Variants in SEMA3E observed in about 807,000 individuals in gnomAD.
SEMA3E encodes semaphorin-3E.
A neutral mutation model predicts 93.6 loss-of-function variants in SEMA3E; 49 were observed. The ratio of observed to expected loss-of-function variants is 0.52; its 90% CI spans 0.42 to 0.66. The LOEUF is 0.66. Among genes scored for constraint, SEMA3E ranks in the 30% least tolerant of loss-of-function variants. The pLI is 0.00. For synonymous variants in SEMA3E, 363 were observed against 330.7 expected (o/e 1.10, Z -1.06); for missense variants, 906 against 964.8 (o/e 0.94, Z 0.81).
intron 1 of SEMA3E, among the ~76,000 whole-genome samples, chr7:83,544,313 T>C (rs1791600607): frequency 7.9e-5 from 12 of 152,120 alleles, no homozygotes; most frequent in Admixed American, 7.9e-4. Flanking sequence ...TTATATATTA[T>C]ATCAAATAAT....
At chr7:83,444,806 G>T (rs1447035127) in intron 4 of SEMA3E, among the ~76,000 whole-genome samples, 1 of 151,954 alleles carries the variant, frequency 6.6e-6, no homozygotes, top group Non-Finnish European at 1.5e-5. Context: ...GAGCAGCCGG[G>T]ACTACAGGCA....
chr7:83,604,530 G>GTGTA (rs1554343265), intron 1 of SEMA3E, among the ~76,000 whole-genome samples: 11 of 146,712 alleles, frequency 7.5e-5, no homozygotes, highest in Non-Finnish European at 6.0e-5. Flanking sequence ...ACATATATAT[G>GTGTA]TATATATATA....
chr7:83,410,000 A>C (rs941068803), intron 5 of SEMA3E, among the ~76,000 whole-genome samples: 3 of 151,744 alleles, frequency 2.0e-5, no homozygotes, highest in Admixed American at 1.3e-4. Flanking sequence ...TACCAAATTT[A>C]GAATAATATG....
At chr7:83,416,953 TA>T (rs1295452573) in intron 5 of SEMA3E, among the ~76,000 whole-genome samples, 2 of 151,140 alleles carry the variant, frequency 1.3e-5, no homozygotes, top group Non-Finnish European at 3.0e-5. Context: ...TTCTCATATT[TA>T]AAGTCTTCCT....
intron 4 of SEMA3E, among the ~76,000 whole-genome samples, chr7:83,452,419 G>A (rs753656280): frequency 5.3e-5 from 8 of 152,032 alleles, no homozygotes; most frequent in East Asian, 1.9e-4. Context: ...TGCCTCTCCC[G>A]CTCCCTCATT....
intron 4 of SEMA3E, among the ~76,000 whole-genome samples, chr7:83,439,428 A>G (rs1789066479): frequency 6.6e-6 from 1 of 152,220 alleles, no homozygotes; most frequent in South Asian, 2.1e-4. Context: ...TGGAAAACTA[A>G]GGTTAATGGG....
At position 83,528,091 on chromosome 7, in the gene SEMA3E, ACTATAATGCC is replaced by A. The variant is rs554864508; in HGVS notation, c.116-37827_116-37818del. Among the ~76,000 whole-genome samples the A allele has an allele frequency of 1.6e-3, 243 of 152,152 alleles. No homozygotes were observed. In the East Asian group the frequency reaches 0.042, roughly 26 times the overall value. On this transcript the variant is annotated intron_variant, in intron 1 of 16. Coordinates refer to ENST00000643230, the MANE Select transcript of SEMA3E (RefSeq NM_012431.3). ...ACATATAATTTTTGTCAGAATTCTT[ACTATAATGCC>A]CTTTTTGGTAGGAAAAAGTAACTGT...
chr7:83,640,395 T>G (rs1275548443), intron 1 of SEMA3E, among the ~76,000 whole-genome samples: 1 of 152,192 alleles, frequency 6.6e-6, no homozygotes, highest in African/African-American at 2.4e-5. Flanking sequence ...ACAGAATACT[T>G]GGCTGGCAGG....
intron 1 of SEMA3E, among the ~76,000 whole-genome samples, chr7:83,580,953 A>C (rs960120777): frequency 1.3e-5 from 2 of 151,948 alleles, no homozygotes; most frequent in African/African-American, 2.4e-5. Flanking sequence ...ATTGCAGTTC[A>C]TTATATTCCC....
rs765597157 is a variant in SEMA3E at position 83,367,339 on chromosome 7, AGTT to A, written c.*244_*246del. ...GCCAAGTACTGAAAATAACAGCTACAGTTGTTTTTTGATAAACATAATGAGAAA... is the reference window on the plus strand; with the variant it reads ...GCCAAGTACTGAAAATAACAGCTACAGTTTTTTGATAAACATAATGAGAAA... On this transcript the variant is annotated 3_prime_UTR_variant, in exon 17 of 17. Transcript: ENST00000643230. 25 of 442,076 alleles carry A rather than the reference AGTT, an allele frequency of 5.7e-5. 1 individual carries two copies. The highest frequency in any genetic ancestry group is 6.4e-4 in the Middle Eastern group (1 of 1,570). 27.4% of individuals were successfully genotyped at this position (442,076 alleles called of 1,614,324 possible).
chr7:83,454,035 G>A (rs1789422291), intron 4 of SEMA3E, among the ~76,000 whole-genome samples: 2 of 151,398 alleles, frequency 1.3e-5, no homozygotes, highest in Admixed American at 1.3e-4. Flanking sequence ...GAGGCGGGTG[G>A]ATCACGAGGT....
intron 2 of SEMA3E, among the ~76,000 whole-genome samples, chr7:83,469,765 A>C (rs1458647070): frequency 6.6e-6 from 1 of 152,094 alleles, no homozygotes; most frequent in Non-Finnish European, 1.5e-5. Context: ...CCAGTAATAC[A>C]CCATACTGTC....
At chr7:83,460,646 A>G (rs1229158650) in intron 4 of SEMA3E, among the ~76,000 whole-genome samples, 2 of 146,136 alleles carry the variant, frequency 1.4e-5, no homozygotes, top group African/African-American at 5.1e-5. Context: ...GGGGAGGGGC[A>G]AGCACCCCAA....
chr7:83,438,914 A>T (rs574364079), intron 4 of SEMA3E, among the ~76,000 whole-genome samples: 76 of 152,294 alleles, frequency 5.0e-4, no homozygotes, highest in Non-Finnish European at 9.6e-4. Context: ...CTCCAAGTTA[A>T]CTTTAAGATA....
chr7:83,434,706 TTTC>T (rs1788964872), intron 4 of SEMA3E, among the ~76,000 whole-genome samples: 2 of 115,756 alleles, frequency 1.7e-5, no homozygotes, highest in African/African-American at 8.0e-5. Context: ...CTCAACTGTA[TTTC>T]TTTTTTTTTT....
At chr7:83,634,471 A>G (rs567433939) in intron 1 of SEMA3E, among the ~76,000 whole-genome samples, 3 of 152,260 alleles carry the variant, frequency 2.0e-5, no homozygotes, top group South Asian at 2.1e-4. Flanking sequence ...GAGCAAGCAA[A>G]AAACATTTGG....
intron 1 of SEMA3E, among the ~76,000 whole-genome samples, chr7:83,514,359 C>A (rs575155406): frequency 1.1e-4 from 16 of 152,122 alleles, no homozygotes; most frequent in African/African-American, 3.1e-4. Context: ...TTTTTTCTTG[C>A]GTGAGATCCA....
intron 16 of SEMA3E, among the ~76,000 whole-genome samples, chr7:83,384,612 G>T (rs1471164875): frequency 6.6e-6 from 1 of 151,858 alleles, no homozygotes; most frequent in Non-Finnish European, 1.5e-5. Context: ...TTTATGCCCT[G>T]GACTCTTTCT....
At chr7:83,631,327 C>T (rs1307186746) in intron 1 of SEMA3E, among the ~76,000 whole-genome samples, 1 of 152,082 alleles carries the variant, frequency 6.6e-6, no homozygotes, top group Non-Finnish European at 1.5e-5. Context: ...TGGTCTACAT[C>T]ATCCAGGGAA....
Sources: allele counts gnomAD v4.1 joint callset (sites outside exome capture counted in the v4.1 genomes callset), GRCh38; gene constraint gnomAD v4.1.1; transcripts MANE v1.5; gene names NCBI Gene and HGNC (gene_info 2026-07-23, HGNC 2026-07-21).